ZNF469: variants seen among roughly 807,000 people sequenced by gnomAD.
ZNF469 encodes the protein zinc finger protein 469.
A neutral mutation model predicts 1.0 loss-of-function variants in ZNF469; 1 was observed. That is an observed-to-expected ratio of 1.00 (90% CI 0.35 to 4.73). The LOEUF (loss-of-function observed/expected upper bound fraction) is 4.73. Ranked by LOEUF, ZNF469 falls within the 30% of genes most tolerant of loss-of-function variation. The pLI is 0.16. For synonymous variants in ZNF469, 2,703 were observed against 2,363.4 expected, an observed-to-expected ratio of 1.14 and a Z score of -4.17; for missense variants, 6,100 against 5,356.3, an observed-to-expected ratio of 1.14 and a Z score of -4.33.
At chr16:88,232,613 G>A in the ZNF469 span, among the ~76,000 whole-genome samples, 1 of 152,344 alleles carries the variant, frequency 6.6e-6, no homozygotes, top group African/African-American at 2.4e-5. Context: ...TGATGCGTGG[G>A]TAGCAGGCTG....
the ZNF469 span, among the ~76,000 whole-genome samples, chr16:88,203,657 C>T: frequency 4.6e-5 from 7 of 152,154 alleles, no homozygotes; most frequent in South Asian, 6.2e-4. Context: ...TGGCTCCAGG[C>T]GTCCTTGGCT....
Position 88,429,311 on chromosome 16 carries a change from G to A in ZNF469, c.1841G>A (p.Ser614Asn). 3 of 1,549,922 alleles carry A rather than the reference G, an allele frequency of 1.9e-6. No homozygotes were observed. Among genetic ancestry groups the A allele is most frequent in the Non-Finnish European group, 2.6e-6 (3 of 1,146,850 alleles). Residue 614 changes from serine (S) to asparagine (N), a missense_variant, in exon 3 of 3, where the codon AGC becomes AAC. Ser to Asn is a conservative substitution (Grantham distance 46). Coordinates refer to ENST00000565624, the MANE Select transcript of ZNF469 (RefSeq NM_001367624.2). The part of the protein sequence containing the change: ...TCSSLSPMSS[S>N]PANPSSEESQ... ...TCTTCCCTGTCGCCGATGTCCAGCA[G>A]CCCAGCCAACCCCAGCTCAGAGGAA...
chr16:88,316,950 G>A, the ZNF469 span, among the ~76,000 whole-genome samples: 3 of 152,092 alleles, frequency 2.0e-5, no homozygotes, highest in Non-Finnish European at 2.9e-5. Context: ...CAGATCCCAC[G>A]CGCTCTCCAG....
Position 88,439,879 on chromosome 16 carries a change from G to GGCCTCCTCCCTCTGACCAGAGGGTCAT in ZNF469, c.*565_*566insGAGGGTCATGCCTCCTCCCTCTGACCA. On this transcript the variant is annotated 3_prime_UTR_variant, in exon 3 of 3. Transcript: ENST00000565624. ...CGCCTGGTCCCCCAAGAGCACAACA[G>GGCCTCCTCCCTCTGACCAGAGGGTCAT]GCCTCCTCCCTCTGACCACAGGGTC... The GGCCTCCTCCCTCTGACCAGAGGGTCAT allele has an allele frequency of 6.8e-6, 1 of 146,106 alleles. No individual in the cohort carries two copies. The highest frequency in any genetic ancestry group is 2.0e-4 in the South Asian group (1 of 4,974). The allele number at this position is 146,106 out of a possible 1,614,324, so 9.1% of individuals were successfully genotyped here. A position where few individuals can be genotyped will look rare whatever the true frequency, so the allele number is the denominator to read the frequency against.
the ZNF469 span, among the ~76,000 whole-genome samples, chr16:88,164,057 A>G: frequency 1.1e-4 from 17 of 147,918 alleles, no homozygotes; most frequent in Admixed American, 1.1e-3. Context: ...AAGTGGGTGG[A>G]TGGATGAATG....
At chr16:88,382,848 G>C (rs1009864448), upstream of ZNF469, among the ~76,000 whole-genome samples, 1 of 152,092 alleles carries the variant, frequency 6.6e-6, no homozygotes, top group Admixed American at 6.5e-5. Flanking sequence ...CCCATCGCCG[G>C]GGTGGGTCCC....
At chr16:88,183,717 G>C in the ZNF469 span, among the ~76,000 whole-genome samples, 1 of 152,192 alleles carries the variant, frequency 6.6e-6, no homozygotes, top group Non-Finnish European at 1.5e-5. Context: ...GCTGTGCATC[G>C]AAAAGGGGTG....
chr16:88,153,130 T>G, the ZNF469 span, among the ~76,000 whole-genome samples: 1 of 152,190 alleles, frequency 6.6e-6, no homozygotes, highest in Non-Finnish European at 1.5e-5. Flanking sequence ...GTGTGGACAG[T>G]GCCCAGCACA....
the ZNF469 span, among the ~76,000 whole-genome samples, chr16:88,326,126 G>C: frequency 6.6e-6 from 1 of 152,252 alleles, no homozygotes; most frequent in Non-Finnish European, 1.5e-5. Context: ...TGGTTTGGCT[G>C]TGTCCCCACC....
chr16:88,187,976 C>T, the ZNF469 span, among the ~76,000 whole-genome samples: 194 of 152,122 alleles, frequency 1.3e-3, 1 homozygote, highest in African/African-American at 4.4e-3. Flanking sequence ...GGGATGCATC[C>T]CGGGCCCTGT....
chr16:88,174,667 A>C, the ZNF469 span, among the ~76,000 whole-genome samples: 1 of 149,156 alleles, frequency 6.7e-6, no homozygotes, highest in East Asian at 1.9e-4. Flanking sequence ...GAAGATAATG[A>C]GGATGATGAC....
the ZNF469 span, among the ~76,000 whole-genome samples, chr16:88,281,573 G>C: frequency 1.8e-3 from 262 of 145,990 alleles, no homozygotes; most frequent in African/African-American, 6.3e-3. Flanking sequence ...CCACACCAAT[G>C]CTTGGTCAGT....
chr16:88,142,875 G>A, the ZNF469 span, among the ~76,000 whole-genome samples: 1 of 152,168 alleles, frequency 6.6e-6, no homozygotes, highest in Non-Finnish European at 1.5e-5. Context: ...CACAAGGGTG[G>A]GACGGATGGC....
the ZNF469 span, among the ~76,000 whole-genome samples, chr16:88,305,526 A>C: frequency 6.8e-6 from 1 of 147,618 alleles, no homozygotes; most frequent in Non-Finnish European, 1.5e-5. Context: ...ACATGCACAC[A>C]CACGCTCACA....
chr16:88,216,443 G>A, the ZNF469 span, among the ~76,000 whole-genome samples: 8 of 149,894 alleles, frequency 5.3e-5, no homozygotes, highest in South Asian at 2.1e-4. Context: ...GCAGTGAGCC[G>A]AGATCACGCC....
the ZNF469 span, among the ~76,000 whole-genome samples, chr16:88,195,917 T>G: frequency 6.6e-6 from 1 of 152,256 alleles, no homozygotes; most frequent in Non-Finnish European, 1.5e-5. Flanking sequence ...CGAGCAGGAC[T>G]TGATGCCCAG....
chr16:88,176,840 GAC>G, the ZNF469 span, among the ~76,000 whole-genome samples: 108 of 152,000 alleles, frequency 7.1e-4, no homozygotes, highest in African/African-American at 2.5e-3. Context: ...TGAGAGGAGA[GAC>G]AACCCAACCA....
the ZNF469 span, among the ~76,000 whole-genome samples, chr16:88,232,616 G>A: frequency 6.6e-6 from 1 of 152,254 alleles, no homozygotes; most frequent in East Asian, 1.9e-4. Flanking sequence ...TGCGTGGGTA[G>A]CAGGCTGTCC....
At chr16:88,266,791 G>A in the ZNF469 span, among the ~76,000 whole-genome samples, 2 of 152,250 alleles carry the variant, frequency 1.3e-5, no homozygotes, top group Admixed American at 6.5e-5. Context: ...ACAAAAGGCA[G>A]TTTCAGCAGC....
Sources: gnomAD v4.1 joint callset for allele counts (sites outside exome capture counted in the v4.1 genomes callset) on GRCh38, gnomAD v4.1.1 for gene constraint, MANE v1.5 for transcripts, NCBI Gene and HGNC (gene_info 2026-07-23, HGNC 2026-07-21) for gene names.